USF3: variants seen among roughly 807,000 people sequenced by gnomAD.
USF3 encodes the protein basic helix-loop-helix domain-containing protein USF3.
Under a neutral mutation model 157.5 loss-of-function variants are expected in USF3, and 29 were observed. That is an observed-to-expected ratio of 0.18 (90% CI 0.14 to 0.25). USF3 has a LOEUF of 0.25. Ranked by LOEUF, USF3 falls within the 10% of genes least tolerant of loss-of-function variation. The pLI is 1.00. For synonymous variants in USF3, 893 were observed against 941.4 expected (o/e 0.95, Z 0.94); for missense variants, 2,381 against 2,667.6 (o/e 0.89, Z 2.37).
chr3:113,676,723 T>C (rs139402838), intron 2 of USF3, among the ~76,000 whole-genome samples: 175 of 152,268 alleles, frequency 1.1e-3, no homozygotes, highest in African/African-American at 3.7e-3. Flanking sequence ...CCCATTTTTT[T>C]CTCCGAGAGA....
rs77343112 is a variant in USF3, at chr3:113,652,475, A to G, written c.*2469T>C. 7.1e-6 allele frequency: 1 copy of G among 141,472 alleles called. No individual in the cohort carries two copies. The highest frequency in any genetic ancestry group is 2.0e-4 in the East Asian group (1 of 4,938). The allele number at this position is 141,472 out of a possible 1,614,324, so 8.8% of individuals were successfully genotyped here. A position where few individuals can be genotyped will look rare whatever the true frequency, so the allele number is the denominator to read the frequency against. ...AGGTTGTTCTTGCTTTGTAAGCAAG[A>G]AAAAAAAAAATATTGTATATTTTTT... On this transcript the variant is annotated 3_prime_UTR_variant, in exon 7 of 7. Coordinates refer to ENST00000316407, the MANE Select transcript of USF3 (RefSeq NM_001009899.4).
At chr3:113,692,517 A>G (rs2107966123) in intron 1 of USF3, among the ~76,000 whole-genome samples, 1 of 152,218 alleles carries the variant, frequency 6.6e-6, no homozygotes, top group East Asian at 1.9e-4. Context: ...TTTTGTATTA[A>G]TCATTATGTC....
chr3:113,691,371 C>T (rs952279965), intron 1 of USF3, among the ~76,000 whole-genome samples: 2 of 152,194 alleles, frequency 1.3e-5, no homozygotes, highest in Non-Finnish European at 2.9e-5. Context: ...CTTCAACCAG[C>T]TGTTACCTGA....
rs1410401999 is a variant in USF3, at chr3:113,654,890, GCA to G, written c.*52_*53del. ...CATGTACATGTCTGTGCACATGCAC[GCA>G]CAAATACATTTGTAATCTCACTCAT... On this transcript the variant is annotated 3_prime_UTR_variant, in exon 7 of 7. Coordinates refer to ENST00000316407, the MANE Select transcript of USF3 (RefSeq NM_001009899.4). 1 of 1,541,838 alleles carries G rather than the reference GCA, an allele frequency of 6.5e-7. No homozygotes were observed. Among genetic ancestry groups the G allele is most frequent in the African/African-American group, 1.4e-5 (1 of 73,056 alleles).
At chr3:113,678,134 C>A (rs1302839011) in intron 1 of USF3, among the ~76,000 whole-genome samples, 2 of 151,712 alleles carry the variant, frequency 1.3e-5, no homozygotes, top group Non-Finnish European at 2.9e-5. Flanking sequence ...AGAGAGGGAT[C>A]TGAATTTTAA....
chr3:113,676,917 AT>A (rs1467581987), intron 2 of USF3, among the ~76,000 whole-genome samples: 1 of 152,160 alleles, frequency 6.6e-6, no homozygotes, highest in Non-Finnish European at 1.5e-5. Flanking sequence ...AGGGAATGAA[AT>A]TTTGCGGGTA....
chr3:113,667,887 A>AACAC (rs1947594697), intron 5 of USF3, among the ~76,000 whole-genome samples: 1 of 151,922 alleles, frequency 6.6e-6, no homozygotes, highest in Non-Finnish European at 1.5e-5. Flanking sequence ...CAAACAAACA[A>AACAC]ACAAACAAAC....
chr3:113,652,187 TGAGAGAGG>T lies in USF3; in HGVS notation c.*2749_*2756del, dbSNP rs1947275957. The T allele has an allele frequency of 6.7e-6, 1 of 149,680 alleles. No homozygotes were observed. Among genetic ancestry groups the T allele is most frequent in the African/African-American group, 2.5e-5 (1 of 40,584 alleles). The allele number at this position is 149,680 out of a possible 1,614,324, so 9.3% of individuals were successfully genotyped here. ...ACAGAGGCAGTGAGAGACAGACAGATGAGAGAGGGAGAGAGGGAAATGAATAGCCAAAC... is the reference window on the plus strand; with the variant it reads ...ACAGAGGCAGTGAGAGACAGACAGATGAGAGAGGGAAATGAATAGCCAAAC... On this transcript the variant is annotated 3_prime_UTR_variant, in exon 7 of 7. Transcript: ENST00000316407.
intron 1 of USF3, among the ~76,000 whole-genome samples, chr3:113,689,134 T>C (rs752750540): frequency 4.6e-5 from 7 of 152,230 alleles, no homozygotes; most frequent in Non-Finnish European, 8.8e-5. Context: ...TAAATAGGAA[T>C]AGCCTTTGAT....
At chr3:113,681,670 G>A (rs1290772081) in intron 1 of USF3, among the ~76,000 whole-genome samples, 1 of 148,724 alleles carries the variant, frequency 6.7e-6, no homozygotes. Flanking sequence ...CCAAAGTGCT[G>A]GGATTAGGCA....
At chr3:113,688,626 C>T (rs1707611995) in intron 1 of USF3, among the ~76,000 whole-genome samples, 1 of 152,184 alleles carries the variant, frequency 6.6e-6, no homozygotes, top group African/African-American at 2.4e-5. Context: ...TAGAATCATG[C>T]TAGGCACATA....
chr3:113,654,818 A>G lies in USF3; in HGVS notation c.*126T>C, dbSNP rs537185585. 13 of 1,061,424 alleles carry G rather than the reference A, an allele frequency of 1.2e-5. No individual in the cohort carries two copies. The Admixed American group carries it at 3.1e-4, about 26-fold the overall frequency. The allele number at this position is 1,061,424 out of a possible 1,614,324, so 65.8% of individuals were successfully genotyped here. Reference sequence around the variant, plus strand: ...GACATGGCTTCCCTACATTCAGAAGATAACTGAAAACTGATTATACAGACA... The same window carrying G: ...GACATGGCTTCCCTACATTCAGAAGGTAACTGAAAACTGATTATACAGACA... On this transcript the variant is annotated 3_prime_UTR_variant, in exon 7 of 7. Transcript: ENST00000316407.
intron 1 of USF3, among the ~76,000 whole-genome samples, chr3:113,683,369 A>AAAACTATTAT (rs1707478684): frequency 1.7e-5 from 1 of 57,210 alleles, no homozygotes; most frequent in Admixed American, 1.5e-4. Context: ...AGTTTTTAAA[A>AAAACTATTAT]CTATAGTTTA....
Position 113,660,141 on chromosome 3 carries a change from T to A in USF3, c.1541A>T (p.Gln514Leu). 1 of 1,614,168 alleles carries A rather than the reference T, an allele frequency of 6.2e-7. No individual in the cohort carries two copies. Among genetic ancestry groups the A allele is most frequent in the Non-Finnish European group, 8.5e-7 (1 of 1,180,028 alleles). Residue 514 changes from glutamine to leucine, a missense_variant, in exon 7 of 7, where the codon CAA (glutamine) becomes CTA (leucine). This residue lies in a region of USF3 where 1,435 missense variants were observed against 1,550.9 expected (regional missense o/e 0.93). Coordinates refer to ENST00000316407, the MANE Select transcript of USF3 (RefSeq NM_001009899.4). ...LPMQPLIAQP[Q>L]VKSQPPKNIL... ...ATTTTTGGGAGGCTGAGATTTAACT[T>A]GTGGCTGGGCAATTAGTGGCTGCAT...
rs1342039933 is a variant in USF3, at chr3:113,652,258, A to G, written c.*2686T>C. 6.6e-6 allele frequency: 1 copy of G among 152,108 alleles called. No individual in the cohort carries two copies. The highest frequency in any genetic ancestry group is 1.5e-5 in the Non-Finnish European group (1 of 68,018). 9.4% of individuals were successfully genotyped at this position (152,108 alleles called of 1,614,324 possible). A position where few individuals can be genotyped will look rare whatever the true frequency, so the allele number is the denominator to read the frequency against. ...GTCCTTCTTGAAATTGGCACACTGG[A>G]CCTTTCAAGTACAAAGAAAAATTTG... is the stretch of plus-strand genomic sequence containing the variant. On this transcript the variant is annotated 3_prime_UTR_variant, in exon 7 of 7. Transcript: ENST00000316407.
intron 5 of USF3, 61 bp downstream of exon 5, chr3:113,670,060 A>C: frequency 8.7e-7 from 1 of 1,146,742 alleles, no homozygotes; most frequent in South Asian, 1.2e-5. Flanking sequence ...CTAAGCACCA[A>C]AACAACTTAG....
chr3:113,657,911 A>T lies in USF3; in HGVS notation c.3771T>A (p.Cys1257Ter). 6.2e-7 allele frequency: 1 copy of T among 1,614,172 alleles called. No homozygotes were observed. Among genetic ancestry groups the T allele is most frequent in the Non-Finnish European group, 8.5e-7 (1 of 1,180,036 alleles). Reference protein sequence around the residue: ...QSSISHPLASCAGLSPTSEQT... With the variant: ...QSSISHPLAS ...GCTCTGAAGTTGGGGATAAACCCGC[A>T]CAGCTGGCCAGAGGATGGCTGATGC... Residue 1257 changes from cysteine (C) to a stop codon, truncating the protein, a stop_gained, in exon 7 of 7, where the codon TGT (cysteine) becomes TGA (stop). Transcript: ENST00000316407. LOFTEE classifies it high-confidence loss of function.
At chr3:113,686,842 C>T (rs1450145792) in intron 1 of USF3, among the ~76,000 whole-genome samples, 5 of 151,960 alleles carry the variant, frequency 3.3e-5, no homozygotes, top group African/African-American at 1.2e-4. Flanking sequence ...CAGATCATAC[C>T]GAAGAAGTTG....
chr3:113,656,907 GGATGGTTAT>G lies in USF3; in HGVS notation c.4766_4774del (p.His1589_His1591del), dbSNP rs761564645. 1 of 1,614,132 alleles carries G rather than the reference GGATGGTTAT, an allele frequency of 6.2e-7. No homozygotes were observed. On this transcript the variant is annotated inframe_deletion, in exon 7 of 7. Coordinates refer to ENST00000316407, the MANE Select transcript of USF3 (RefSeq NM_001009899.4). ...AATATCTTGATTGAGATGGTTCTGGGGATGGTTATGATGGTTCCGACTAGTTGAAGGGTT... is the reference window on the plus strand; with the variant it reads ...AATATCTTGATTGAGATGGTTCTGGGGATGGTTCCGACTAGTTGAAGGGTT...
Sources: allele counts gnomAD v4.1 joint callset (sites outside exome capture counted in the v4.1 genomes callset), GRCh38; gene constraint gnomAD v4.1.1; regional missense constraint gnomAD v4.1.1; transcripts MANE v1.5; gene names NCBI Gene and HGNC (gene_info 2026-07-23, HGNC 2026-07-21).